COL6A6: variants seen among roughly 807,000 people sequenced by gnomAD.
The protein encoded by COL6A6 is collagen alpha-6(VI) chain.
COL6A6 carries 183 observed loss-of-function variants against 208.6 expected under a neutral mutation model. The observed-to-expected ratio is 0.88, with a 90% confidence interval of 0.78 to 0.99. The LOEUF (loss-of-function observed/expected upper bound fraction) is 0.99, where lower values mean the gene tolerates loss of function less well. Among genes scored for constraint, COL6A6 ranks in the 50% least tolerant of loss-of-function variants. COL6A6 has a pLI of 0.00. For missense variants in COL6A6, 2,816 were observed against 2,815.2 expected (o/e 1.00, Z -0.01); for synonymous variants, 973 against 1,011.8 (o/e 0.96, Z 0.73).
chr3:130,611,771 T>C (rs2064366183), intron 23 of COL6A6, among the ~76,000 whole-genome samples: 1 of 152,248 alleles, frequency 6.6e-6, no homozygotes, highest in South Asian at 2.1e-4. Context: ...TTGTATCTCA[T>C]GACACTATTT....
intron 1 of COL6A6, among the ~76,000 whole-genome samples, chr3:130,531,814 G>A (rs2107707907): frequency 6.6e-6 from 1 of 152,290 alleles, no homozygotes; most frequent in Non-Finnish European, 1.5e-5. Context: ...GAATTTCAGT[G>A]TTAACATCTA....
Position 130,675,503 on chromosome 3 carries a change from G to A in COL6A6, c.*106G>A, listed in dbSNP as rs1347549995. 1.2e-5 allele frequency: 9 copies of A among 781,502 alleles called. No homozygotes were observed. The East Asian group carries it at 2.2e-4, about 19-fold the overall frequency. The allele number at this position is 781,502 out of a possible 1,614,324, so 48.4% of individuals were successfully genotyped here. A position where few individuals can be genotyped will look rare whatever the true frequency, so the allele number is the denominator to read the frequency against. On this transcript the variant is annotated 3_prime_UTR_variant, in exon 37 of 37. Coordinates refer to ENST00000358511, the MANE Select transcript of COL6A6 (RefSeq NM_001102608.3). The stretch of plus-strand genomic sequence containing the variant: ...CAAGCAACAGTTTGTAGGTTATCAG[G>A]TGACTTGACCCCCTGCATTCATTGG...
chr3:130,563,145 A>G lies in COL6A6; in HGVS notation c.142A>G (p.Met48Val), dbSNP rs763766744. 3.7e-6 allele frequency: 6 copies of G among 1,613,876 alleles called. No homozygotes were observed. Among genetic ancestry groups the G allele is most frequent in the Non-Finnish European group, 4.2e-6 (5 of 1,179,910 alleles). Reference sequence around the variant, plus strand: ...ATCCAAGTCCTTCCCATTTGTGAAAATGTTCATCACCAAAATGATCAGCAG... The same window carrying G: ...ATCCAAGTCCTTCCCATTTGTGAAAGTGTTCATCACCAAAATGATCAGCAG... ...LGSKSFPFVK[M>V]FITKMISSLP... Residue 48 changes from methionine (M) to valine (V), a missense_variant, in exon 3 of 37, where the codon ATG (methionine) becomes GTG (valine). Transcript: ENST00000358511.
At chr3:130,659,895 T>G (rs2065895746) in intron 34 of COL6A6, among the ~76,000 whole-genome samples, 1 of 152,192 alleles carries the variant, frequency 6.6e-6, no homozygotes, top group Non-Finnish European at 1.5e-5. Context: ...TCTTTCTGTC[T>G]TCCCTCTGCT....
chr3:130,621,281 T>C (rs1242518548), intron 23 of COL6A6, among the ~76,000 whole-genome samples: 1 of 152,238 alleles, frequency 6.6e-6, no homozygotes, highest in Non-Finnish European at 1.5e-5. Flanking sequence ...CATTTACTTT[T>C]CTAACTTATC....
Position 130,676,953 on chromosome 3 carries a change from C to T in COL6A6, c.*1556C>T, listed in dbSNP as rs908244074. 2 of 152,146 alleles carry T rather than the reference C, an allele frequency of 1.3e-5. No homozygotes were observed. Among genetic ancestry groups the T allele is most frequent in the Admixed American group, 6.5e-5 (1 of 15,270 alleles). 9.4% of individuals were successfully genotyped at this position (152,146 alleles called of 1,614,324 possible). A position where few individuals can be genotyped will look rare whatever the true frequency, so the allele number is the denominator to read the frequency against. On this transcript the variant is annotated 3_prime_UTR_variant, in exon 37 of 37. Coordinates refer to ENST00000358511, the MANE Select transcript of COL6A6 (RefSeq NM_001102608.3). ...TTTCTAGTTAACTCTGAGTTAAGCA[C>T]GAACTCCTTTCTTTTGTTAATTGTT...
intron 1 of COL6A6, among the ~76,000 whole-genome samples, chr3:130,541,506 T>C (rs1156942368): frequency 6.6e-6 from 1 of 152,198 alleles, no homozygotes. Flanking sequence ...TCTTGTGGTT[T>C]AGTTTTGCAA....
intron 10 of COL6A6, 130 bp from the exon 11 acceptor site, chr3:130,586,376 G>T: frequency 1.5e-6 from 1 of 678,360 alleles, no homozygotes; most frequent in Non-Finnish European, 2.4e-6. Context: ...CATGTGTTTG[G>T]GGGAAGTGGA....
Position 130,581,579 on chromosome 3 carries a change from T to C in COL6A6, c.3566T>C (p.Val1189Ala), listed in dbSNP as rs761210209. ...ATCCTAGACTGTTTCGTGGATGTTG[T>C]GGTGGGATTTGATGTCTCAACTCAG... ...AGESNCFVDV[V>A]VGFDVSTQEK... Residue 1189 changes from valine (V) to alanine (A), a missense_variant, in exon 9 of 37, where the codon GTG (valine) becomes GCG (alanine). Val to Ala is a moderately conservative substitution (Grantham distance 64). Transcript: ENST00000358511. 7 of 1,608,396 alleles carry C rather than the reference T, an allele frequency of 4.4e-6. No individual in the cohort carries two copies. The highest frequency in any genetic ancestry group is 6.0e-6 in the Non-Finnish European group (7 of 1,175,898).
intron 1 of COL6A6, among the ~76,000 whole-genome samples, chr3:130,551,739 G>C (rs1274441940): frequency 1.3e-5 from 2 of 150,586 alleles, no homozygotes; most frequent in African/African-American, 4.9e-5. Flanking sequence ...AGTTCCTCTA[G>C]TTGTGATAAT....
In COL6A6 at chr3:130,657,986, CCT is replaced by C. The variant is rs147920009; in HGVS notation, c.5734-689_5734-688del. On this transcript the variant is annotated intron_variant, in intron 33 of 36. Transcript: ENST00000358511. ...TTGTTCAGAGCCTCCTTATCTTCCC[CCT>C]GTTCTCTACCCTCAAGCTCCCCCTG... 8.3e-3 allele frequency among the ~76,000 whole-genome samples: 1,261 copies of C among 152,214 alleles called. 18 individuals carry two copies. Among genetic ancestry groups the C allele is most frequent in the African/African-American group, 0.029 (1,204 of 41,552 alleles).
intron 1 of COL6A6, among the ~76,000 whole-genome samples, chr3:130,517,899 AC>A (rs1211846007): frequency 6.6e-6 from 1 of 152,240 alleles, no homozygotes; most frequent in African/African-American, 2.4e-5. Context: ...AGAGGGTTGG[AC>A]TTTTACTGCT....
At chr3:130,668,611 A>T (rs1293527065) in intron 36 of COL6A6, among the ~76,000 whole-genome samples, 1 of 152,254 alleles carries the variant, frequency 6.6e-6, no homozygotes, top group East Asian at 1.9e-4. Context: ...GAATAGCTAT[A>T]TTTATATCAG....
chr3:130,569,508 C>T (rs1307141376), intron 6 of COL6A6, among the ~76,000 whole-genome samples: 1 of 152,168 alleles, frequency 6.6e-6, no homozygotes, highest in Non-Finnish European at 1.5e-5. Flanking sequence ...GGACATAGAT[C>T]TGCATGGAGT....
rs1577803272 is a variant in COL6A6, at chr3:130,588,674, G to A, written c.4126-416G>A. Among the ~76,000 whole-genome samples the A allele has an allele frequency of 2.6e-5, 4 of 152,210 alleles. No individual in the cohort carries two copies. The South Asian group carries it at 8.3e-4, about 32-fold the overall frequency. ...AGCATACCAAGATTTCACAAAATGAGGAAAATAGCATGCATTCATTTTATT... is the reference window on the plus strand; with the variant it reads ...AGCATACCAAGATTTCACAAAATGAAGAAAATAGCATGCATTCATTTTATT... On this transcript the variant is annotated intron_variant, in intron 11 of 36. Transcript: ENST00000358511.
intron 2 of COL6A6, among the ~76,000 whole-genome samples, chr3:130,561,973 GA>G (rs1242304312): frequency 6.6e-6 from 1 of 152,148 alleles, no homozygotes; most frequent in Non-Finnish European, 1.5e-5. Flanking sequence ...TTTTAAAGAA[GA>G]AAAAACTAAG....
In COL6A6 at chr3:130,580,523, G is replaced by A. The variant is rs140936653; in HGVS notation, c.3548-1038G>A. 5.9e-4 allele frequency among the ~76,000 whole-genome samples: 90 copies of A among 152,314 alleles called. No individual in the cohort carries two copies. In the East Asian group the frequency reaches 0.016, roughly 27 times the overall value. On this transcript the variant is annotated intron_variant, in intron 8 of 36. Coordinates refer to ENST00000358511, the MANE Select transcript of COL6A6 (RefSeq NM_001102608.3). ...AAATGTCCAACTGACCAGTGTGTCT[G>A]GGAAGTAGTTAAGCATTTGTCTTTA...
chr3:130,674,544 G>A (rs1453646902), intron 36 of COL6A6, among the ~76,000 whole-genome samples: 6 of 152,130 alleles, frequency 3.9e-5, no homozygotes, highest in Non-Finnish European at 7.4e-5. Flanking sequence ...ACCTAACACC[G>A]TGCCTTCTAT....
intron 1 of COL6A6, among the ~76,000 whole-genome samples, chr3:130,537,089 G>A (rs1005046252): frequency 5.3e-5 from 8 of 152,144 alleles, no homozygotes; most frequent in Admixed American, 4.6e-4. Context: ...TACTGAGATG[G>A]CAGTCATATT....
Sources: allele counts gnomAD v4.1 joint callset (sites outside exome capture counted in the v4.1 genomes callset), GRCh38; gene constraint gnomAD v4.1.1; transcripts MANE v1.5; gene names NCBI Gene and HGNC (gene_info 2026-07-23, HGNC 2026-07-21).